The following TLL2 variants were observed in gnomAD, a reference collection of about 807,000 sequenced individuals.
TLL2 encodes the protein tolloid-like protein 2.
A neutral mutation model predicts 123.0 loss-of-function variants in TLL2; 106 were observed. The ratio of observed to expected loss-of-function variants is 0.86; its 90% CI spans 0.74 to 1.01. The LOEUF is 1.01. TLL2 is among the 50% of genes least tolerant of loss of function. TLL2 has a pLI of 0.00. For synonymous variants in TLL2, 494 were observed against 516.8 expected, an observed-to-expected ratio of 0.96 and a Z score of 0.60; for missense variants, 1,332 against 1,336.7, an observed-to-expected ratio of 1.00 and a Z score of 0.06.
chr10:96,489,498 C>T (rs1239861119), intron 1 of TLL2, among the ~76,000 whole-genome samples: 1 of 152,060 alleles, frequency 6.6e-6, no homozygotes, highest in African/African-American at 2.4e-5. Context: ...CAGTCCACTC[C>T]AGCCTGGGCA....
chr10:96,434,745 C>G (rs1393528926), intron 3 of TLL2, among the ~76,000 whole-genome samples: 1 of 152,124 alleles, frequency 6.6e-6, no homozygotes, highest in African/African-American at 2.4e-5. Context: ...TATGTTGAAC[C>G]TTTTGAGAAA....
intron 1 of TLL2, among the ~76,000 whole-genome samples, chr10:96,499,798 A>G (rs1847513975): frequency 6.6e-6 from 1 of 152,214 alleles, no homozygotes; most frequent in South Asian, 2.1e-4. Flanking sequence ...GTGCATGAAT[A>G]GGAATCTCAA....
At chr10:96,474,544 G>C (rs1461014945) in intron 2 of TLL2, among the ~76,000 whole-genome samples, 2 of 152,146 alleles carry the variant, frequency 1.3e-5, no homozygotes, top group East Asian at 3.9e-4. Flanking sequence ...GGAAACTGGG[G>C]GCCTGCACAG....
chr10:96,371,775 A>G (rs1282884484), intron 19 of TLL2, among the ~76,000 whole-genome samples: 1 of 152,126 alleles, frequency 6.6e-6, no homozygotes, highest in African/African-American at 2.4e-5. Context: ...CTTCTGCTGC[A>G]GGTTCAGCCA....
chr10:96,482,493 T>C (rs1847321237), intron 1 of TLL2, among the ~76,000 whole-genome samples: 1 of 152,144 alleles, frequency 6.6e-6, no homozygotes, highest in African/African-American at 2.4e-5. Context: ...TATGTAGCAA[T>C]TAAAAGGAAC....
intron 1 of TLL2, among the ~76,000 whole-genome samples, chr10:96,506,169 T>C (rs1018235237): frequency 3.4e-4 from 46 of 136,398 alleles, no homozygotes; most frequent in African/African-American, 1.2e-3. Flanking sequence ...GGACAATCAA[T>C]TGAATCCGGG....
intron 2 of TLL2, among the ~76,000 whole-genome samples, chr10:96,459,139 G>C (rs899686209): frequency 6.6e-6 from 1 of 152,128 alleles, no homozygotes; most frequent in Admixed American, 6.5e-5. Context: ...CTATGAATGT[G>C]TCATTTTCCC....
intron 17 of TLL2, among the ~76,000 whole-genome samples, chr10:96,377,126 T>C (rs199802720): frequency 1.3e-5 from 2 of 152,240 alleles, no homozygotes; most frequent in East Asian, 3.8e-4. Flanking sequence ...CCTCGGCCCA[T>C]GTCCTGGTTC....
At chr10:96,398,463 A>C (rs1846361011) in intron 10 of TLL2, among the ~76,000 whole-genome samples, 1 of 152,226 alleles carries the variant, frequency 6.6e-6, no homozygotes, top group African/African-American at 2.4e-5. Context: ...ATTGACCAAA[A>C]TCAAGTCCCT....
Position 96,476,879 on chromosome 10 carries a change from C to CACACACACAG in TLL2, c.286+3469_286+3470insCTGTGTGTGT, listed in dbSNP as rs1554939744. Among the ~76,000 whole-genome samples the CACACACACAG allele has an allele frequency of 6.0e-5, 9 of 149,164 alleles. 1 individual carries two copies. Among genetic ancestry groups the CACACACACAG allele is most frequent in the Non-Finnish European group, 8.9e-5 (6 of 67,694 alleles). On this transcript the variant is annotated intron_variant, in intron 2 of 20. Transcript: ENST00000357947. ...TGTTACACACACACACACACACACA[C>CACACACACAG]ACACACACACACACACACGCAAACA...
At chr10:96,424,236 T>C (rs1846655795) in intron 5 of TLL2, among the ~76,000 whole-genome samples, 1 of 152,026 alleles carries the variant, frequency 6.6e-6, no homozygotes, top group East Asian at 1.9e-4. Context: ...GAATAAGATA[T>C]ACTATTTGAC....
intron 3 of TLL2, among the ~76,000 whole-genome samples, chr10:96,435,454 TG>T (rs1164210361): frequency 2.0e-5 from 3 of 152,270 alleles, no homozygotes; most frequent in African/African-American, 7.2e-5. Context: ...GAAGCACAAA[TG>T]TTTTTAATGA....
At chr10:96,396,897 C>A (rs1017796847) in intron 11 of TLL2, among the ~76,000 whole-genome samples, 2 of 152,178 alleles carry the variant, frequency 1.3e-5, no homozygotes, top group Admixed American at 6.5e-5. Flanking sequence ...CTAGATCCCC[C>A]CAATACCGTC....
rs145650064 is a variant in TLL2, at chr10:96,513,906, G to A, written c.-221C>T. ...TCGGAGCTACTTGCCCGGCGGCCGA[G>A]GCTGCGGCGGCTGCGAGTGTGGCGG... On this transcript the variant is annotated 5_prime_UTR_variant, in exon 1 of 21. Transcript: ENST00000357947. 0.015 allele frequency: 7,756 copies of A among 508,990 alleles called. 135 individuals carry two copies. The highest frequency in any genetic ancestry group is 0.016 in the Non-Finnish European group (4,683 of 297,610). The allele number at this position is 508,990 out of a possible 1,614,324, so 31.5% of individuals were successfully genotyped here.
chr10:96,394,341 C>T (rs771955598), intron 13 of TLL2, among the ~76,000 whole-genome samples: 1 of 152,186 alleles, frequency 6.6e-6, no homozygotes, highest in East Asian at 1.9e-4. Context: ...TGGGGAGCAG[C>T]CATGCTTCCC....
chr10:96,392,972 C>T (rs1198255849), intron 13 of TLL2, among the ~76,000 whole-genome samples: 2 of 152,002 alleles, frequency 1.3e-5, no homozygotes, highest in African/African-American at 2.4e-5. Flanking sequence ...ATGTGCTGAC[C>T]GGAGCAGAGG....
chr10:96,508,683 C>G (rs1847598920), intron 1 of TLL2, among the ~76,000 whole-genome samples: 1 of 152,104 alleles, frequency 6.6e-6, no homozygotes, highest in South Asian at 2.1e-4. Flanking sequence ...CTCAGCTCAC[C>G]TCTGGGCAGT....
At chr10:96,457,269 G>A (rs1166162887) in intron 2 of TLL2, among the ~76,000 whole-genome samples, 1 of 152,098 alleles carries the variant, frequency 6.6e-6, no homozygotes, top group African/African-American at 2.4e-5. Context: ...TGCCTCCTCA[G>A]GGAAAGCTCT....
rs140566273 is a variant in TLL2, at chr10:96,422,265, T to C, written c.817+284A>G. On this transcript the variant is annotated intron_variant, in intron 6 of 20. Coordinates refer to ENST00000357947, the MANE Select transcript of TLL2 (RefSeq NM_012465.4). ...ATGCTGTAACAGTGTTCTGGTCGAC[T>C]GTGTTCCTTTCAGGAAATGGAGTTA... Among the ~76,000 whole-genome samples the C allele has an allele frequency of 7.9e-4, 120 of 151,948 alleles. 1 individual carries two copies. Among genetic ancestry groups the C allele is most frequent in the African/African-American group, 2.8e-3 (114 of 41,390 alleles).
Sources: allele counts gnomAD v4.1 joint callset (sites outside exome capture counted in the v4.1 genomes callset), GRCh38; gene constraint gnomAD v4.1.1; transcripts MANE v1.5; gene names NCBI Gene and HGNC (gene_info 2026-07-23, HGNC 2026-07-21).